NSD1: variants seen among roughly 807,000 people sequenced by gnomAD.
NSD1 encodes the protein nuclear receptor binding SET domain protein 1.
Under a neutral mutation model 242.7 loss-of-function variants are expected in NSD1, and 26 were observed. The ratio of observed to expected loss-of-function variants is 0.11; its 90% confidence interval spans 0.08 to 0.15. The LOEUF (loss-of-function observed/expected upper bound fraction) is 0.15. Among genes scored for constraint, NSD1 ranks in the 10% least tolerant of loss-of-function variants. The probability of loss-of-function intolerance (pLI) is 1.00; values close to 1 mark genes in which losing one functional copy is unlikely to be tolerated. For synonymous variants in NSD1, 1,106 were observed against 1,178.1 expected, an observed-to-expected ratio of 0.94 and a Z score of 1.25; for missense variants, 2,495 against 3,272.8, an observed-to-expected ratio of 0.76 and a Z score of 5.80.
intron 16 of NSD1, among the ~76,000 whole-genome samples, chr5:177,270,365 C>T (rs955799776): frequency 3.3e-5 from 5 of 152,312 alleles, no homozygotes; most frequent in Middle Eastern, 3.4e-3. Flanking sequence ...CAATCAACTT[C>T]GAACCCGGTT....
At chr5:177,288,113 G>A (rs183129330) in intron 20 of NSD1, among the ~76,000 whole-genome samples, 182 of 152,320 alleles carry the variant, frequency 1.2e-3, no homozygotes, top group Non-Finnish European at 2.1e-3. Context: ...TTAGTTATGA[G>A]TTTTGAGTTT....
chr5:177,277,715 GAA>G (rs35052491), intron 17 of NSD1, among the ~76,000 whole-genome samples: 1 of 147,646 alleles, frequency 6.8e-6, no homozygotes, highest in African/African-American at 2.5e-5. Context: ...AAAATACAAA[GAA>G]AAAAAAAAAT....
chr5:177,208,780 C>T (rs894995324), intron 4 of NSD1, among the ~76,000 whole-genome samples: 9 of 151,952 alleles, frequency 5.9e-5, no homozygotes, highest in Non-Finnish European at 1.0e-4. Flanking sequence ...GGCGTGATCT[C>T]CAACTCCCGG....
At chr5:177,228,030 C>T (rs1441464077) in intron 5 of NSD1, among the ~76,000 whole-genome samples, 7 of 150,568 alleles carry the variant, frequency 4.6e-5, no homozygotes, top group African/African-American at 1.2e-4. Flanking sequence ...GGCTGCATTG[C>T]GCTGTATGCA....
At chr5:177,219,342 C>T (rs1407898215) in intron 5 of NSD1, among the ~76,000 whole-genome samples, 3 of 151,960 alleles carry the variant, frequency 2.0e-5, no homozygotes, top group African/African-American at 4.8e-5. Flanking sequence ...CCTGCCACCA[C>T]GCCCGGCTAA....
chr5:177,234,131 T>C (rs1765265701), intron 5 of NSD1, among the ~76,000 whole-genome samples: 1 of 152,148 alleles, frequency 6.6e-6, no homozygotes. Context: ...GTGAGAAAAA[T>C]GTGTAACATC....
chr5:177,179,760 A>T (rs1760506493), intron 2 of NSD1, among the ~76,000 whole-genome samples: 1 of 152,166 alleles, frequency 6.6e-6, no homozygotes, highest in African/African-American at 2.4e-5. Flanking sequence ...TTGATTAACT[A>T]ATGATTAATT....
intron 2 of NSD1, among the ~76,000 whole-genome samples, chr5:177,179,910 AT>A (rs1760517467): frequency 6.6e-6 from 1 of 151,796 alleles, no homozygotes; most frequent in African/African-American, 2.4e-5. Flanking sequence ...TAATATTTTT[AT>A]TTTTTATTTT....
chr5:177,189,872 C>G (rs1195365235), intron 2 of NSD1, among the ~76,000 whole-genome samples: 1 of 152,124 alleles, frequency 6.6e-6, no homozygotes, highest in Non-Finnish European at 1.5e-5. Context: ...TCTTTCCCAT[C>G]GATTCTTGGT....
chr5:177,211,578 C>T lies in NSD1; in HGVS notation c.3179C>T (p.Pro1060Leu). ...TERKRKLNQL[P>L]SVTLDAVLQG... ...CGCAAAAGAAAACTGAATCAGCTTC[C>T]AAGTGTGACTCTTGATGCTGTACTG... Residue 1060 changes from proline (P) to leucine (L), a missense_variant, in exon 5 of 23, where the codon CCA becomes CTA. Physicochemically the swap from Pro to Leu is moderately conservative, Grantham distance 98 (BLOSUM62 -3). Transcript: ENST00000439151. 6.2e-7 allele frequency: 1 copy of T among 1,614,030 alleles called. No homozygotes were observed. Among genetic ancestry groups the T allele is most frequent in the Non-Finnish European group, 8.5e-7 (1 of 1,180,020 alleles).
intron 2 of NSD1, among the ~76,000 whole-genome samples, chr5:177,174,618 G>A (rs560547771): frequency 6.6e-6 from 1 of 151,852 alleles, no homozygotes; most frequent in South Asian, 2.1e-4. Context: ...GAGTGCAATG[G>A]CGTGATCTTG....
At chr5:177,207,593 A>ATTTTTTTTTTTTTTTTTTTTTTTTTTTTT (rs150492535) in intron 4 of NSD1, among the ~76,000 whole-genome samples, 1 of 78,220 alleles carries the variant, frequency 1.3e-5, no homozygotes, top group African/African-American at 7.1e-5. Context: ...ATTTATTTAA[A>ATTTTTTTTTTTTTTTTTTTTTTTTTTTTT]TTTTTTTTTT....
intron 5 of NSD1, among the ~76,000 whole-genome samples, chr5:177,234,784 T>C (rs569320567): frequency 6.6e-6 from 1 of 152,172 alleles, no homozygotes; most frequent in Non-Finnish European, 1.5e-5. Flanking sequence ...ACAGATGACT[T>C]TAGAGGAAAC....
chr5:177,200,766 A>G (rs901084779), intron 3 of NSD1, among the ~76,000 whole-genome samples: 4 of 152,228 alleles, frequency 2.6e-5, no homozygotes, highest in African/African-American at 9.6e-5. Flanking sequence ...TAAAGGCTAC[A>G]TAATACGTCA....
chr5:177,263,377 GT>G (rs1272233474), intron 14 of NSD1, among the ~76,000 whole-genome samples: 2 of 152,102 alleles, frequency 1.3e-5, no homozygotes, highest in Non-Finnish European at 2.9e-5. Context: ...TTTTTACTTA[GT>G]TGAAATCTGA....
chr5:177,146,209 T>G (rs941418463), intron 2 of NSD1, among the ~76,000 whole-genome samples: 30 of 148,878 alleles, frequency 2.0e-4, no homozygotes, highest in African/African-American at 6.7e-4. Flanking sequence ...CCAATCGTTT[T>G]TTTTTTTTTT....
At chr5:177,185,392 G>C (rs1486228852) in intron 2 of NSD1, among the ~76,000 whole-genome samples, 2 of 151,850 alleles carry the variant, frequency 1.3e-5, no homozygotes, top group African/African-American at 4.8e-5. Context: ...GAGGTCAGGA[G>C]TTCGAGACCA....
In NSD1 at chr5:177,294,828, A is replaced by T. The variant is rs1434300693; in HGVS notation, c.7460A>T (p.Glu2487Val). The T allele has an allele frequency of 6.2e-7, 1 of 1,612,556 alleles. No individual in the cohort carries two copies. The highest frequency in any genetic ancestry group is 8.5e-7 in the Non-Finnish European group (1 of 1,180,024). The stretch of plus-strand genomic sequence containing the variant: ...GCTGATGAGAAGATGCCAGTGTTGG[A>T]GTCAAGTTCATGGCCTGCCAGCAAA... Reference protein sequence around the residue: ...PQADEKMPVLESSSWPASKGL... With the variant: ...PQADEKMPVLVSSSWPASKGL... The change falls in exon 23 of 23, where the codon GAG becomes GTG. Residue 2487 changes from glutamate (E) to valine (V), a missense_variant. Physicochemically the swap from Glu to Val is moderately radical, Grantham distance 121. This residue lies in a region of NSD1 where 475 missense variants were observed against 563.7 expected (regional missense o/e 0.84). Transcript: ENST00000439151.
At chr5:177,270,004 T>C (rs1381377485) in intron 16 of NSD1, among the ~76,000 whole-genome samples, 197 bp downstream of exon 16, 1 of 152,232 alleles carries the variant, frequency 6.6e-6, no homozygotes, top group African/African-American at 2.4e-5. Context: ...CTTTACTTAA[T>C]TTGAATTTCC....
Sources: allele counts gnomAD v4.1 joint callset (sites outside exome capture counted in the v4.1 genomes callset), GRCh38; gene constraint gnomAD v4.1.1; regional missense constraint gnomAD v4.1.1; transcripts MANE v1.5; gene names NCBI Gene and HGNC (gene_info 2026-07-23, HGNC 2026-07-21).